The following TANGO6 variants were observed in gnomAD, a reference collection of about 807,000 sequenced individuals.
TANGO6 encodes transport and golgi organization 6 homolog.
In TANGO6, 90 loss-of-function variants were observed where a neutral mutation model predicts 114.2. The observed-to-expected ratio is 0.79, with a 90% CI of 0.66 to 0.94. The LOEUF (loss-of-function observed/expected upper bound fraction) is 0.94. Among genes scored for constraint, TANGO6 ranks in the 40% least tolerant of loss-of-function variants. The pLI is 0.00. For synonymous variants in TANGO6, 477 were observed against 509.8 expected (o/e 0.94, Z 0.87); for missense variants, 1,274 against 1,315.3 (o/e 0.97, Z 0.49).
chr16:68,958,245 C>G (rs1160871762), intron 14 of TANGO6, among the ~76,000 whole-genome samples: 1 of 151,466 alleles, frequency 6.6e-6, no homozygotes, highest in African/African-American at 2.4e-5. Flanking sequence ...GTAATCCCAG[C>G]ACTTTGAGAG....
Position 68,862,968 on chromosome 16 carries a change from C to T in TANGO6, c.759C>T (p.Thr253=), listed in dbSNP as rs950384929. The change falls in exon 3 of 18, where the codon ACC becomes ACT. Residue 253 remains threonine, a synonymous_variant. Transcript: ENST00000261778. ...AEEVLTEEER[T]LSRGALRDML... ...AGGTTCTAACTGAAGAGGAGAGAAC[C>T]CTATCCAGGGGGGCCTTGAGAGACA... The T allele has an allele frequency of 2.5e-6, 4 of 1,597,622 alleles. No homozygotes were observed. The highest frequency in any genetic ancestry group is 2.6e-6 in the Non-Finnish European group (3 of 1,172,246).
chr16:68,886,928 C>G (rs1187254310), intron 7 of TANGO6, among the ~76,000 whole-genome samples: 2 of 152,156 alleles, frequency 1.3e-5, no homozygotes, highest in Non-Finnish European at 2.9e-5. Context: ...TTGCCTCAGC[C>G]TCCCAAGAAG....
At chr16:68,857,364 C>CT (rs1346884326) in intron 1 of TANGO6, among the ~76,000 whole-genome samples, 2 of 151,514 alleles carry the variant, frequency 1.3e-5, no homozygotes, top group African/African-American at 4.8e-5. Flanking sequence ...ATTCTGTTGT[C>CT]TGAGTGTAGC....
At chr16:68,872,178 G>A (rs889316154) in intron 4 of TANGO6, among the ~76,000 whole-genome samples, 8 of 151,194 alleles carry the variant, frequency 5.3e-5, no homozygotes, top group Non-Finnish European at 1.2e-4. Context: ...CCGAGATCTC[G>A]CCACTGCACT....
At chr16:68,887,982 C>G (rs1962561373) in intron 7 of TANGO6, among the ~76,000 whole-genome samples, 1 of 152,150 alleles carries the variant, frequency 6.6e-6, no homozygotes, top group African/African-American at 2.4e-5. Flanking sequence ...TTTACTCTTG[C>G]GTCCTTCACT....
intron 16 of TANGO6, among the ~76,000 whole-genome samples, chr16:69,029,459 A>G (rs1470916633): frequency 6.6e-6 from 1 of 152,200 alleles, no homozygotes; most frequent in African/African-American, 2.4e-5. Context: ...TATTCCGGAC[A>G]CCTAAGACAT....
At position 68,863,079 on chromosome 16, in the gene TANGO6, C is replaced by A; in HGVS notation, c.852+18C>A. ...CACCCCAGGTACTCAGGCCTAGGGA[C>A]TCTTGGGGGTGACTCATTAATGATA... On this transcript the variant is annotated intron_variant, in intron 3 of 17. Transcript: ENST00000261778. The A allele has an allele frequency of 7.1e-7, 1 of 1,408,954 alleles. No individual in the cohort carries two copies. The highest frequency in any genetic ancestry group is 9.5e-7 in the Non-Finnish European group (1 of 1,048,866). 87.3% of individuals were successfully genotyped at this position (1,408,954 alleles called of 1,614,324 possible). A position where few individuals can be genotyped will look rare whatever the true frequency, so the allele number is the denominator to read the frequency against.
rs1294584005 is a variant in TANGO6, at chr16:68,875,256, C to T, written c.1097C>T (p.Ser366Leu). The T allele has an allele frequency of 2.5e-6, 4 of 1,613,690 alleles. No homozygotes were observed. In the Admixed American group the frequency reaches 5.0e-5, roughly 20 times the overall value. Reference protein sequence around the residue: ...ILASCPQQSLSPENYYRDICP... With the variant: ...ILASCPQQSLLPENYYRDICP... Reference sequence around the variant, plus strand: ...GCCTCTTGTCCCCAGCAGTCTCTTTCACCAGAGAATTACTACAGGGACATC... The same window carrying T: ...GCCTCTTGTCCCCAGCAGTCTCTTTTACCAGAGAATTACTACAGGGACATC... Residue 366 changes from serine (S) to leucine (L), a missense_variant, in exon 5 of 18, where the codon TCA (serine) becomes TTA (leucine). Around this residue, in one of 5 missense-constraint regions of TANGO6, gnomAD observed 908 missense variants for 910.2 expected, o/e 1.00. Coordinates refer to ENST00000261778, the MANE Select transcript of TANGO6 (RefSeq NM_024562.2).
intron 11 of TANGO6, among the ~76,000 whole-genome samples, chr16:68,918,021 C>T (rs139833657): frequency 1.5e-3 from 229 of 151,446 alleles, no homozygotes; most frequent in African/African-American, 4.9e-3. Context: ...CTGGTTCAAG[C>T]GATTCTTCCA....
intron 14 of TANGO6, among the ~76,000 whole-genome samples, chr16:68,942,281 C>T (rs1208713259): frequency 6.6e-6 from 1 of 151,560 alleles, no homozygotes; most frequent in Non-Finnish European, 1.5e-5. Flanking sequence ...GAGATCATGC[C>T]ACTGCACTCC....
At chr16:68,867,417 C>G (rs1482480919) in intron 4 of TANGO6, 197 bp downstream of exon 4, 1 of 591,384 alleles carries the variant, frequency 1.7e-6, no homozygotes, top group African/African-American at 1.9e-5. Flanking sequence ...TTGCTCTTTT[C>G]CTAAAACACT....
At position 69,072,026 on chromosome 16, in the gene TANGO6, CGTGT is replaced by C. The variant is rs58310609; in HGVS notation, c.3109-11420_3109-11417del. 4.3e-3 allele frequency among the ~76,000 whole-genome samples: 402 copies of C among 92,996 alleles called. 5 individuals carry two copies. The highest frequency in any genetic ancestry group is 0.013 in the East Asian group (46 of 3,506). The allele number at this position is 92,996 out of a possible 152,430, so 61.0% of individuals were successfully genotyped here. ...AGGGAGGGTGAAGAGAGAGGGAGAC[CGTGT>C]GTGTGTGTGTGTGTGTGTGTGTGTG... On this transcript the variant is annotated intron_variant, in intron 17 of 17. Coordinates refer to ENST00000261778, the MANE Select transcript of TANGO6 (RefSeq NM_024562.2).
chr16:69,012,058 A>G (rs1231246535), intron 15 of TANGO6, among the ~76,000 whole-genome samples: 1 of 152,212 alleles, frequency 6.6e-6, no homozygotes, highest in Non-Finnish European at 1.5e-5. Flanking sequence ...TTGAACACAC[A>G]GCTGTTTGCT....
intron 14 of TANGO6, among the ~76,000 whole-genome samples, chr16:68,943,872 T>C (rs1399146248): frequency 6.6e-6 from 1 of 152,218 alleles, no homozygotes; most frequent in Non-Finnish European, 1.5e-5. Context: ...TTACTTAAAT[T>C]GTCAGCATGC....
At chr16:68,906,683 A>C (rs1416606487) in intron 9 of TANGO6, among the ~76,000 whole-genome samples, 1 of 152,082 alleles carries the variant, frequency 6.6e-6, no homozygotes, top group African/African-American at 2.4e-5. Flanking sequence ...TCCTGGGCTC[A>C]AGCAGTCTCC....
Position 68,867,049 on chromosome 16 carries a change from T to G in TANGO6, c.853-30T>G, listed in dbSNP as rs138150862. The G allele has an allele frequency of 9.1e-6, 14 of 1,541,018 alleles. No homozygotes were observed. The East Asian group carries it at 3.5e-4, about 38-fold the overall frequency. ...GCCATCATATCTATTTCAGTGACAT[T>G]CAGAATTCACACCTTCTTCTTTTTC... On this transcript the variant is annotated intron_variant, in intron 3 of 17. Coordinates refer to ENST00000261778, the MANE Select transcript of TANGO6 (RefSeq NM_024562.2).
At chr16:68,900,614 T>C in intron 8 of TANGO6, 68 bp downstream of exon 8, 10 of 1,252,786 alleles carry the variant, frequency 8.0e-6, no homozygotes, top group African/African-American at 1.5e-5. Context: ...GTTTTTGTTC[T>C]TATTTTGAAT....
intron 17 of TANGO6, among the ~76,000 whole-genome samples, chr16:69,040,949 CAT>C (rs760122087): frequency 1.2e-4 from 18 of 150,858 alleles, no homozygotes; most frequent in African/African-American, 3.9e-4. Context: ...TATATATTTA[CAT>C]ATATATATAT....
intron 14 of TANGO6, among the ~76,000 whole-genome samples, chr16:68,938,380 A>T (rs1490048670): frequency 1.3e-5 from 2 of 152,198 alleles, no homozygotes; most frequent in Non-Finnish European, 2.9e-5. Flanking sequence ...GGGTAAAATG[A>T]GTCTTAGAGT....
Sources: gnomAD v4.1 joint callset for allele counts (sites outside exome capture counted in the v4.1 genomes callset) on GRCh38, gnomAD v4.1.1 for gene constraint, gnomAD v4.1.1 regional missense constraint, MANE v1.5 for transcripts, NCBI Gene and HGNC (gene_info 2026-07-23, HGNC 2026-07-21) for gene names.